Variants in SLC43A2 observed in about 807,000 individuals in gnomAD.
The protein encoded by SLC43A2 is large neutral amino acids transporter small subunit 4.
SLC43A2 carries 38 observed loss-of-function variants against 63.2 expected under a neutral mutation model. The observed-to-expected ratio is 0.60, with a 90% CI of 0.46 to 0.79. The LOEUF is 0.79. SLC43A2 is among the 30% of genes least tolerant of loss of function. SLC43A2 has a pLI of 0.00. For missense variants in SLC43A2, 644 were observed against 756.2 expected (o/e 0.85, Z 1.74); for synonymous variants, 322 against 331.0 (o/e 0.97, Z 0.30).
At chr17:1,624,931 C>T (rs1199093087) in intron 2 of SLC43A2, among the ~76,000 whole-genome samples, 1 of 152,052 alleles carries the variant, frequency 6.6e-6, no homozygotes, top group Non-Finnish European at 1.5e-5. Flanking sequence ...AGCCGCAGCC[C>T]CCCAGGCTGA....
rs775450867 is a variant in SLC43A2 at position 1,576,639 on chromosome 17, C to T, written c.1506G>A (p.Leu502=). 6 of 1,610,492 alleles carry T rather than the reference C, an allele frequency of 3.7e-6. No homozygotes were observed. The highest frequency in any genetic ancestry group is 5.1e-6 in the Non-Finnish European group (6 of 1,179,986). ...SALFALLQQP[L]FLAMMGPLQG... is the part of the protein sequence containing the mutation. Reference sequence around the variant, plus strand: ...GGAGAGGACCCATCATGGCCAGAAACAGCGGCTGCTGCAGAAGGGCGAAGA... The same window carrying T: ...GGAGAGGACCCATCATGGCCAGAAATAGCGGCTGCTGCAGAAGGGCGAAGA... Residue 502 remains leucine (L), a synonymous_variant, in exon 13 of 14, where the codon CTG becomes CTA. Transcript: ENST00000301335.
intron 10 of SLC43A2, among the ~76,000 whole-genome samples, chr17:1,584,826 A>AAAAAAG (rs1186862017): frequency 6.6e-6 from 1 of 151,824 alleles, no homozygotes; most frequent in Non-Finnish European, 1.5e-5. Context: ...TCTCAAAAAA[A>AAAAAAG]AAAAAGAAAA....
At chr17:1,600,150 ATATT>A (rs1567630850) in intron 5 of SLC43A2, among the ~76,000 whole-genome samples, 1 of 77,532 alleles carries the variant, frequency 1.3e-5, no homozygotes, top group African/African-American at 5.0e-5. Context: ...ATATATATAT[ATATT>A]TTTTTTTTTT....
chr17:1,585,279 T>A (rs912219256), intron 10 of SLC43A2: 2 of 1,001,956 alleles, frequency 2.0e-6, no homozygotes, highest in African/African-American at 3.5e-5. Context: ...CTTGCTCTGT[T>A]GCCCAGGCTG....
intron 9 of SLC43A2, 116 bp from the exon 10 acceptor site, chr17:1,586,167 ACC>A (rs1273101055): frequency 7.0e-7 from 1 of 1,420,840 alleles, no homozygotes; most frequent in Non-Finnish European, 9.2e-7. Flanking sequence ...CTGCCCCAGA[ACC>A]CCCTGTCACT....
intron 2 of SLC43A2, among the ~76,000 whole-genome samples, chr17:1,619,695 C>A (rs889616678): frequency 2.0e-5 from 3 of 152,214 alleles, no homozygotes; most frequent in Non-Finnish European, 4.4e-5. Context: ...CAAATGTCAG[C>A]TCTGCCAGCA....
chr17:1,612,638 T>C (rs1278877744), intron 5 of SLC43A2, among the ~76,000 whole-genome samples: 2 of 152,210 alleles, frequency 1.3e-5, no homozygotes, highest in East Asian at 1.9e-4. Flanking sequence ...GGCACAAGGC[T>C]AGTGAGCTGC....
intron 3 of SLC43A2, 75 bp downstream of exon 3, chr17:1,616,487 G>C (rs1304889951): frequency 2.8e-6 from 4 of 1,416,890 alleles, no homozygotes; most frequent in Non-Finnish European, 3.9e-6. Context: ...GTACGACCAG[G>C]ATACCCTTCT....
Position 1,577,540 on chromosome 17 carries a change from C to T in SLC43A2, c.1424+710G>A, listed in dbSNP as rs148671218. Reference sequence around the variant, plus strand: ...TGTTGCGGGAATTGGGAGAGAGTTCCGGGCTAAATCTTAGCACATGTCAGG... The same window carrying T: ...TGTTGCGGGAATTGGGAGAGAGTTCTGGGCTAAATCTTAGCACATGTCAGG... On this transcript the variant is annotated intron_variant, in intron 12 of 13. Transcript: ENST00000301335. This position sits in a 1 kb window ranked among gnomAD's most constrained non-coding sequence, Gnocchi z 4.9. Among the ~76,000 whole-genome samples, 35 of 152,252 alleles carry T rather than the reference C, an allele frequency of 2.3e-4. No homozygotes were observed. In the East Asian group the frequency reaches 4.2e-3, roughly 18 times the overall value.
At chr17:1,608,747 T>C (rs766084222) in intron 5 of SLC43A2, among the ~76,000 whole-genome samples, 2 of 152,090 alleles carry the variant, frequency 1.3e-5, no homozygotes, top group Non-Finnish European at 2.9e-5. Context: ...GTGAAAGTAA[T>C]GGACCCTCCC....
intron 2 of SLC43A2, among the ~76,000 whole-genome samples, chr17:1,626,172 CTTTTTT>C (rs35737749): frequency 7.4e-6 from 1 of 134,540 alleles, no homozygotes; most frequent in South Asian, 2.4e-4. Context: ...TTTTTTTCTG[CTTTTTT>C]TTTTTTTTTT....
chr17:1,582,434 C>G (rs1284879613), intron 11 of SLC43A2, among the ~76,000 whole-genome samples: 1 of 152,208 alleles, frequency 6.6e-6, no homozygotes, highest in Non-Finnish European at 1.5e-5. Context: ...CCACTCTGTT[C>G]AGTGTAGAAA....
At chr17:1,604,939 C>G in intron 5 of SLC43A2, 11 of 1,516,908 alleles carry the variant, frequency 7.3e-6, no homozygotes, top group East Asian at 2.5e-5. Context: ...GCCGCGGTGC[C>G]GGAGTGAGGG....
At chr17:1,604,959 G>T (rs543927532) in intron 5 of SLC43A2, 3 of 1,493,538 alleles carry the variant, frequency 2.0e-6, no homozygotes, top group Admixed American at 2.1e-5. Flanking sequence ...GCTGAGCGCT[G>T]AGCAGAGCGC....
chr17:1,585,642 C>T, intron 10 of SLC43A2: 2 of 1,347,074 alleles, frequency 1.5e-6, no homozygotes, highest in South Asian at 2.5e-5. Context: ...CCTACCCCAG[C>T]CTTTCAAAGT....
In SLC43A2 at chr17:1,575,418, G is replaced by A. The variant is rs7342891; in HGVS notation, c.*186C>T. 1.2e-5 allele frequency: 9 copies of A among 723,514 alleles called. No homozygotes were observed. The highest frequency in any genetic ancestry group is 3.9e-4 in the Middle Eastern group (1 of 2,582). The allele number at this position is 723,514 out of a possible 1,614,324, so 44.8% of individuals were successfully genotyped here. On this transcript the variant is annotated 3_prime_UTR_variant, in exon 14 of 14. Transcript: ENST00000301335. Reference sequence around the variant, plus strand: ...GCCCCTGCGTTCGGCAGGAGAAAACGCGCGTGTCCGGGGCCCTCTCCCGTC... The same window carrying A: ...GCCCCTGCGTTCGGCAGGAGAAAACACGCGTGTCCGGGGCCCTCTCCCGTC...
intron 5 of SLC43A2, among the ~76,000 whole-genome samples, chr17:1,600,772 G>A (rs1409899501): frequency 6.6e-6 from 1 of 151,534 alleles, no homozygotes; most frequent in Non-Finnish European, 1.5e-5. Context: ...TGGTCAGGCT[G>A]GTCTCAAACT....
intron 4 of SLC43A2, among the ~76,000 whole-genome samples, chr17:1,613,550 T>C (rs140177506): frequency 9.1e-4 from 139 of 152,262 alleles, no homozygotes; most frequent in African/African-American, 3.1e-3. Flanking sequence ...ACTCCCGGGT[T>C]CAAGTGATCC....
At chr17:1,619,277 G>A (rs189387519) in intron 2 of SLC43A2, among the ~76,000 whole-genome samples, 9 of 152,290 alleles carry the variant, frequency 5.9e-5, no homozygotes, top group African/African-American at 1.9e-4. Context: ...ACTCCAGCCT[G>A]GGCAACAGAG....
Sources: allele counts gnomAD v4.1 joint callset (sites outside exome capture counted in the v4.1 genomes callset), GRCh38; gene constraint gnomAD v4.1.1; non-coding constraint Gnocchi (gnomAD v3.1); transcripts MANE v1.5; gene names NCBI Gene and HGNC (gene_info 2026-07-23, HGNC 2026-07-21).